FHIT: variants seen among roughly 807,000 people sequenced by gnomAD.
FHIT encodes fragile histidine triad diadenosine triphosphatase.
In FHIT, 19 loss-of-function variants were observed where a neutral mutation model predicts 17.9. That is an observed-to-expected ratio of 1.06 (90% CI 0.74 to 1.56). The LOEUF (loss-of-function observed/expected upper bound fraction) is 1.56. Ranked by LOEUF, FHIT falls within the 40% of genes most tolerant of loss-of-function variation. The pLI is 0.00. For synonymous variants in FHIT, 81 were observed against 69.7 expected (o/e 1.16, Z -0.81); for missense variants, 248 against 189.2 (o/e 1.31, Z -1.82).
intron 4 of FHIT, among the ~76,000 whole-genome samples, chr3:60,598,365 T>C (rs1361591264): frequency 3.3e-5 from 5 of 152,194 alleles, no homozygotes; most frequent in African/African-American, 9.7e-5. Flanking sequence ...ACTTACCATA[T>C]TTTGGTTAAA....
intron 7 of FHIT, among the ~76,000 whole-genome samples, chr3:59,927,666 G>A (rs190178980): frequency 6.6e-6 from 1 of 152,242 alleles, no homozygotes; most frequent in Non-Finnish European, 1.5e-5. Context: ...GTACTCGGGA[G>A]GCTGATGTAG....
intron 8 of FHIT, among the ~76,000 whole-genome samples, chr3:59,881,104 C>T (rs191300775): frequency 1.3e-5 from 2 of 152,328 alleles, no homozygotes; most frequent in Non-Finnish European, 2.9e-5. Flanking sequence ...GGCAATGACG[C>T]TGTACCTTTG....
At chr3:60,111,434 C>A (rs746537129) in intron 5 of FHIT, among the ~76,000 whole-genome samples, 3 of 152,182 alleles carry the variant, frequency 2.0e-5, no homozygotes, top group Admixed American at 1.3e-4. Flanking sequence ...TCTAAAACCA[C>A]TGATATATAA....
chr3:59,789,251 C>T (rs1699447774), intron 8 of FHIT, among the ~76,000 whole-genome samples: 1 of 152,138 alleles, frequency 6.6e-6, no homozygotes, highest in Non-Finnish European at 1.5e-5. Context: ...AAAATATTGA[C>T]TATCTATGAA....
chr3:59,921,232 T>C (rs1705387980), intron 8 of FHIT, among the ~76,000 whole-genome samples: 1 of 152,216 alleles, frequency 6.6e-6, no homozygotes, highest in Admixed American at 6.5e-5. Flanking sequence ...TGCTGACCTA[T>C]TGTTCTTTAT....
intron 8 of FHIT, among the ~76,000 whole-genome samples, chr3:59,896,147 C>T (rs889583284): frequency 3.3e-5 from 5 of 152,202 alleles, no homozygotes; most frequent in African/African-American, 1.2e-4. Context: ...ACTGGCATCC[C>T]TCCCAGACTG....
chr3:60,389,712 C>T (rs1416037712), intron 5 of FHIT, among the ~76,000 whole-genome samples: 1 of 152,154 alleles, frequency 6.6e-6, no homozygotes, highest in Non-Finnish European at 1.5e-5. Flanking sequence ...TACCGTGTAG[C>T]CATATTTCAA....
At chr3:60,189,641 G>A (rs1263482306) in intron 5 of FHIT, among the ~76,000 whole-genome samples, 1 of 152,074 alleles carries the variant, frequency 6.6e-6, no homozygotes, top group Non-Finnish European at 1.5e-5. Flanking sequence ...CTGATAATGC[G>A]ATCATTACAG....
chr3:60,205,861 C>G (rs1441644901), intron 5 of FHIT, among the ~76,000 whole-genome samples: 1 of 151,776 alleles, frequency 6.6e-6, no homozygotes, highest in Non-Finnish European at 1.5e-5. Flanking sequence ...GTAATCCCAG[C>G]ATTTTGGGAG....
At chr3:60,205,022 G>A (rs902934447) in intron 5 of FHIT, among the ~76,000 whole-genome samples, 2 of 151,800 alleles carry the variant, frequency 1.3e-5, no homozygotes, top group African/African-American at 4.8e-5. Context: ...CTTGAGCCTG[G>A]GAGGCAGAGG....
intron 3 of FHIT, among the ~76,000 whole-genome samples, chr3:60,957,891 C>T (rs1408510635): frequency 2.6e-5 from 4 of 152,204 alleles, no homozygotes; most frequent in Non-Finnish European, 5.9e-5. Flanking sequence ...GTCTAATCCT[C>T]CTTCTCTGTT....
intron 4 of FHIT, among the ~76,000 whole-genome samples, chr3:60,543,907 C>CTTTTTTTTTTTTTTTTGTTTTTTTTTT (rs2036271271): frequency 1.9e-5 from 1 of 52,076 alleles, no homozygotes; most frequent in Non-Finnish European, 3.0e-5. Context: ...CCACGCCCGG[C>CTTTTTTTTTTTTTTTTGTTTTTTTTTT]TTTTTTTTTT....
intron 5 of FHIT, among the ~76,000 whole-genome samples, chr3:60,177,650 T>G (rs867070851): frequency 5.9e-5 from 9 of 152,192 alleles, no homozygotes; most frequent in Non-Finnish European, 4.4e-5. Context: ...GATTAGTGAT[T>G]TTTGAATCAC....
intron 5 of FHIT, among the ~76,000 whole-genome samples, chr3:60,037,376 A>G (rs1488936556): frequency 6.8e-6 from 1 of 147,864 alleles, no homozygotes; most frequent in Non-Finnish European, 1.5e-5. Context: ...CAGCTTACTT[A>G]AAACCAAGTC....
intron 5 of FHIT, among the ~76,000 whole-genome samples, chr3:60,359,989 T>C (rs2106992079): frequency 6.7e-6 from 1 of 148,734 alleles, no homozygotes; most frequent in South Asian, 2.1e-4. Flanking sequence ...GACTTTTTTT[T>C]TTTTTTTCTT....
intron 5 of FHIT, among the ~76,000 whole-genome samples, chr3:60,111,849 C>T (rs1704685709): frequency 6.6e-6 from 1 of 152,192 alleles, no homozygotes; most frequent in South Asian, 2.1e-4. Context: ...CAGGCATCTC[C>T]CCATTGACAT....
At chr3:60,977,975 A>G (rs374223036) in intron 3 of FHIT, among the ~76,000 whole-genome samples, 1 of 152,214 alleles carries the variant, frequency 6.6e-6, no homozygotes, top group African/African-American at 2.4e-5. Context: ...AGAAATTCCT[A>G]TTCCTTAATT....
intron 5 of FHIT, among the ~76,000 whole-genome samples, chr3:60,435,543 T>C (rs780303958): frequency 5.9e-5 from 9 of 152,268 alleles, no homozygotes; most frequent in Middle Eastern, 3.4e-3. Flanking sequence ...GCTAAAAGGC[T>C]AATACCTCCA....
intron 5 of FHIT, among the ~76,000 whole-genome samples, chr3:60,250,471 T>C (rs1420302944): frequency 1.3e-5 from 2 of 152,302 alleles, no homozygotes; most frequent in East Asian, 1.9e-4. Flanking sequence ...AAACATCTGT[T>C]GAAGTCATGG....
Sources: allele counts gnomAD v4.1 joint callset (sites outside exome capture counted in the v4.1 genomes callset), GRCh38; gene constraint gnomAD v4.1.1; transcripts MANE v1.5; gene names NCBI Gene and HGNC (gene_info 2026-07-23, HGNC 2026-07-21).